The following QRICH1 variants were observed in gnomAD, a reference collection of about 807,000 sequenced individuals.
QRICH1 encodes the protein glutamine rich 1, also known as transcriptional regulator QRICH1.
QRICH1 carries 16 observed loss-of-function variants against 87.1 expected under a neutral mutation model. The observed-to-expected ratio is 0.18, with a 90% CI of 0.12 to 0.28. The LOEUF (loss-of-function observed/expected upper bound fraction) is 0.28. Among genes scored for constraint, QRICH1 ranks in the 10% least tolerant of loss-of-function variants. The pLI is 1.00. For missense variants in QRICH1, 647 were observed against 951.7 expected, an observed-to-expected ratio of 0.68 and a Z score of 4.21; for synonymous variants, 367 against 368.4, an observed-to-expected ratio of 1.00 and a Z score of 0.05.
intron 1 of QRICH1, among the ~76,000 whole-genome samples, chr3:49,090,032 T>A (rs2042244067): frequency 6.6e-6 from 1 of 152,172 alleles, no homozygotes; most frequent in South Asian, 2.1e-4. Context: ...AAGAAAAACA[T>A]GGGCGGGCGC....
chr3:49,076,590 G>C (rs1269940668), intron 2 of QRICH1, 119 bp downstream of exon 2: 2 of 1,002,878 alleles, frequency 2.0e-6, no homozygotes, highest in Non-Finnish European at 2.7e-6. Flanking sequence ...CATTAACTTT[G>C]AAAATCTTAG....
At chr3:49,064,299 G>A (rs187850335) in intron 2 of QRICH1, among the ~76,000 whole-genome samples, 1 of 143,578 alleles carries the variant, frequency 7.0e-6, no homozygotes, top group East Asian at 2.1e-4. Flanking sequence ...CTGGAGTGCA[G>A]TGGTGTGATC....
intron 3 of QRICH1, among the ~76,000 whole-genome samples, chr3:49,047,925 C>T (rs2093348131): frequency 6.6e-6 from 1 of 150,846 alleles, no homozygotes. Context: ...GACTCTGTCT[C>T]GAAAAAAGAA....
rs145191404 is a variant in QRICH1 at position 49,092,642 on chromosome 3, C to T, written c.-22+1270G>A. Among the ~76,000 whole-genome samples the T allele has an allele frequency of 1.4e-4, 22 of 152,198 alleles. No individual in the cohort carries two copies. In the East Asian group the frequency reaches 3.3e-3, roughly 23 times the overall value. Reference sequence around the variant, plus strand: ...AGCTTAATTGAGCAAGACTGTAAATCAAACTAGCAGATGTTTTGTATTAGA... The same window carrying T: ...AGCTTAATTGAGCAAGACTGTAAATTAAACTAGCAGATGTTTTGTATTAGA... On this transcript the variant is annotated intron_variant, in intron 1 of 9. Transcript: ENST00000395443.
intron 2 of QRICH1, among the ~76,000 whole-genome samples, chr3:49,073,917 G>A (rs1418877448): frequency 6.6e-6 from 1 of 151,888 alleles, no homozygotes; most frequent in African/African-American, 2.4e-5. Flanking sequence ...CCAAATAGCT[G>A]GGACTACAAG....
intron 1 of QRICH1, among the ~76,000 whole-genome samples, chr3:49,089,919 A>T (rs1193501992): frequency 6.6e-6 from 1 of 152,256 alleles, no homozygotes; most frequent in Non-Finnish European, 1.5e-5. Context: ...TTTCTTGAAA[A>T]AGTAGTACTT....
rs1442464516 is a variant in QRICH1 at position 49,044,466 on chromosome 3, G to A, written c.1710C>T (p.Ser570=). 1.9e-6 allele frequency: 3 copies of A among 1,613,048 alleles called. No homozygotes were observed. The highest frequency in any genetic ancestry group is 8.5e-7 in the Non-Finnish European group (1 of 1,179,560). Residue 570 remains serine, a synonymous_variant, in exon 6 of 10, where the codon TCC becomes TCT. Transcript: ENST00000395443. ...FENGRVDDIF[S]DLYYVRFTEW... ...CCGTGAACCGAACATAATAAAGATC[G>A]GAGAAAATGTCATCTACCCTTCCAT...
intron 2 of QRICH1, among the ~76,000 whole-genome samples, chr3:49,060,310 C>T (rs2093427450): frequency 6.6e-6 from 1 of 151,976 alleles, no homozygotes. Context: ...TCTCCTGCCT[C>T]AGCCTCCCAA....
At chr3:49,084,126 A>G (rs1188572133) in intron 1 of QRICH1, among the ~76,000 whole-genome samples, 3 of 151,958 alleles carry the variant, frequency 2.0e-5, no homozygotes, top group Admixed American at 6.6e-5. Context: ...TTATATTTTT[A>G]GTAGAGATGA....
intron 2 of QRICH1, among the ~76,000 whole-genome samples, chr3:49,062,507 C>T (rs1207779174): frequency 1.3e-5 from 2 of 151,054 alleles, no homozygotes; most frequent in Admixed American, 6.6e-5. Flanking sequence ...ATTACAGGCA[C>T]GCATCACCAT....
intron 1 of QRICH1, among the ~76,000 whole-genome samples, chr3:49,085,891 A>C (rs1344555335): frequency 6.6e-6 from 1 of 152,084 alleles, no homozygotes; most frequent in African/African-American, 2.4e-5. Flanking sequence ...AAATGGAGAA[A>C]CTTCTAAAAG....
At chr3:49,078,217 TAC>T (rs2041988953) in intron 1 of QRICH1, among the ~76,000 whole-genome samples, 1 of 152,096 alleles carries the variant, frequency 6.6e-6, no homozygotes, top group African/African-American at 2.4e-5. Flanking sequence ...TACCTTATGT[TAC>T]AGATATAAAA....
chr3:49,046,964 C>T, intron 4 of QRICH1, 105 bp downstream of exon 4: 1 of 1,315,142 alleles, frequency 7.6e-7, no homozygotes, highest in Admixed American at 2.2e-5. Flanking sequence ...ATGTTGCTCT[C>T]TTGTCCCCAA....
chr3:49,093,073 G>T (rs1452743006), intron 1 of QRICH1, among the ~76,000 whole-genome samples: 2 of 152,180 alleles, frequency 1.3e-5, no homozygotes, highest in Non-Finnish European at 2.9e-5. Context: ...GCTTATGGAC[G>T]TATTAGTTTC....
At chr3:49,078,495 C>T (rs1224005972) in intron 1 of QRICH1, among the ~76,000 whole-genome samples, 1 of 133,000 alleles carries the variant, frequency 7.5e-6, no homozygotes, top group Non-Finnish European at 1.6e-5. Context: ...CCTGGGTTCA[C>T]ACCATTCTCC....
At chr3:49,047,302 G>T in intron 3 of QRICH1, 56 bp from the exon 4 acceptor site, 1 of 1,497,122 alleles carries the variant, frequency 6.7e-7, no homozygotes, top group Non-Finnish European at 9.1e-7. Flanking sequence ...AGATCCTTCT[G>T]CAAAATTGCC....
At chr3:49,051,912 A>C (rs1203936692) in intron 3 of QRICH1, among the ~76,000 whole-genome samples, 1 of 152,096 alleles carries the variant, frequency 6.6e-6, no homozygotes, top group African/African-American at 2.4e-5. Flanking sequence ...ACGTGTCCAA[A>C]TGTCTATCAG....
At chr3:49,089,072 T>C (rs977046250) in intron 1 of QRICH1, among the ~76,000 whole-genome samples, 1 of 151,982 alleles carries the variant, frequency 6.6e-6, no homozygotes, top group Non-Finnish European at 1.5e-5. Context: ...TTTTCTTTTT[T>C]TTTTTTTAAA....
chr3:49,087,554 T>C (rs1260179521), intron 1 of QRICH1, among the ~76,000 whole-genome samples: 1 of 149,592 alleles, frequency 6.7e-6, no homozygotes, highest in Non-Finnish European at 1.5e-5. Context: ...CAAAAAATAA[T>C]AAGAAAAATA....
Sources: gnomAD v4.1 joint callset for allele counts (sites outside exome capture counted in the v4.1 genomes callset) on GRCh38, gnomAD v4.1.1 for gene constraint, MANE v1.5 for transcripts, NCBI Gene and HGNC (gene_info 2026-07-23, HGNC 2026-07-21) for gene names.